The following AGO2 variants were observed in gnomAD, a reference collection of about 807,000 sequenced individuals.
The protein encoded by AGO2 is argonaute RISC catalytic component 2.
In AGO2, 5 loss-of-function variants were observed where a neutral mutation model predicts 102.3. The observed-to-expected ratio is 0.05, with a 90% CI of 0.03 to 0.10. The LOEUF (loss-of-function observed/expected upper bound fraction) is 0.10, where lower values mean the gene tolerates loss of function less well. Among genes scored for constraint, AGO2 ranks in the 10% least tolerant of loss-of-function variants. The pLI, the probability that AGO2 is intolerant of heterozygous loss-of-function variation, is 1.00. For synonymous variants in AGO2, 449 were observed against 473.1 expected (o/e 0.95, Z 0.66); for missense variants, 541 against 1,183.7 (o/e 0.46, Z 7.97).
At chr8:140,629,876 C>A (rs1462847163) in intron 1 of AGO2, among the ~76,000 whole-genome samples, 6 of 88,624 alleles carry the variant, frequency 6.8e-5, no homozygotes, top group Non-Finnish European at 1.3e-4. Flanking sequence ...GGGAGGGGAG[C>A]AGGGGGAAGA....
intron 2 of AGO2, among the ~76,000 whole-genome samples, chr8:140,577,904 G>A (rs1417345221): frequency 6.6e-6 from 1 of 152,246 alleles, no homozygotes; most frequent in Non-Finnish European, 1.5e-5. Flanking sequence ...GTCAGGTCCA[G>A]CTCATCCTGC....
intron 1 of AGO2, among the ~76,000 whole-genome samples, chr8:140,626,322 G>A (rs559516955): frequency 1.2e-4 from 19 of 152,210 alleles, no homozygotes; most frequent in Non-Finnish European, 2.4e-4. Context: ...TCAGAGATAA[G>A]CCTTTTTAAA....
chr8:140,581,866 T>G (rs1189446830), intron 2 of AGO2, among the ~76,000 whole-genome samples: 1 of 152,204 alleles, frequency 6.6e-6, no homozygotes, highest in South Asian at 2.1e-4. Context: ...TCCCCAGACA[T>G]TCTCTCTCTT....
chr8:140,574,132 AC>A lies in AGO2; in HGVS notation c.216-1201del, dbSNP rs1251677466. 5.8e-5 allele frequency among the ~76,000 whole-genome samples: 4 copies of A among 69,410 alleles called. No individual in the cohort carries two copies. The South Asian group carries it at 1.6e-3, about 28-fold the overall frequency. The allele number at this position is 69,410 out of a possible 152,430, so 45.5% of individuals were successfully genotyped here. ...CAGAGATCCACGACCCCCACCCTCC[AC>A]CCCCCAACCCCCACTTCCCCACCGT... On this transcript the variant is annotated intron_variant, in intron 2 of 18. Coordinates refer to ENST00000220592, the MANE Select transcript of AGO2 (RefSeq NM_012154.5).
At chr8:140,565,469 A>C (rs150100822) in intron 3 of AGO2, among the ~76,000 whole-genome samples, 1,709 of 148,466 alleles carry the variant, frequency 0.012, 28 homozygotes, top group African/African-American at 0.036. Flanking sequence ...AAACCAAAAA[A>C]CAAAAAACAA....
At chr8:140,622,276 TG>T (rs1563655131) in intron 1 of AGO2, among the ~76,000 whole-genome samples, 14 of 89,614 alleles carry the variant, frequency 1.6e-4, no homozygotes, top group Admixed American at 3.3e-4. Context: ...GGTCTCCTCT[TG>T]GGGGAATAAT....
intron 3 of AGO2, among the ~76,000 whole-genome samples, chr8:140,566,347 G>C (rs1482794405): frequency 6.6e-6 from 1 of 152,222 alleles, no homozygotes; most frequent in Non-Finnish European, 1.5e-5. Context: ...ACATGGAACT[G>C]TATGTCCAAT....
intron 6 of AGO2, 95 bp downstream of exon 6, chr8:140,559,300 G>T: frequency 6.7e-7 from 1 of 1,492,052 alleles, no homozygotes. Context: ...CTCCCCAAAT[G>T]CGCACAAGAA....
At chr8:140,587,814 G>A (rs1375923498) in intron 1 of AGO2, among the ~76,000 whole-genome samples, 1 of 152,204 alleles carries the variant, frequency 6.6e-6, no homozygotes, top group African/African-American at 2.4e-5. Context: ...CTCTCCATGT[G>A]CTCTCTGTTA....
At chr8:140,547,807 G>A (rs918956790) in intron 12 of AGO2, among the ~76,000 whole-genome samples, 180 bp from the exon 13 acceptor site, 3 of 152,264 alleles carry the variant, frequency 2.0e-5, no homozygotes, top group Admixed American at 2.0e-4. Flanking sequence ...CCCTGGTCCC[G>A]AGGGGGACGC....
rs1008375973 is a variant in AGO2 at position 140,589,912 on chromosome 8, G to A, written c.23-4601C>T. On this transcript the variant is annotated intron_variant, in intron 1 of 18. Coordinates refer to ENST00000220592, the MANE Select transcript of AGO2 (RefSeq NM_012154.5). This position sits in a 1 kb window ranked among gnomAD's most constrained non-coding sequence, Gnocchi z 4.2. ...AGGACACGAGGGTGACAACTCACCT[G>A]TTGTCTACACAAGCAAGCCTCCCTT... Among the ~76,000 whole-genome samples the A allele has an allele frequency of 2.6e-5, 4 of 152,262 alleles. No homozygotes were observed. Among genetic ancestry groups the A allele is most frequent in the Non-Finnish European group, 5.9e-5 (4 of 68,052 alleles).
At chr8:140,545,931 C>T (rs1476446483) in intron 13 of AGO2, among the ~76,000 whole-genome samples, 2 of 152,190 alleles carry the variant, frequency 1.3e-5, no homozygotes, top group African/African-American at 2.4e-5. Flanking sequence ...CCAGGCAGCA[C>T]GTGGGAGGGC....
intron 1 of AGO2, among the ~76,000 whole-genome samples, chr8:140,625,116 T>C (rs896755086): frequency 6.6e-6 from 1 of 152,188 alleles, no homozygotes; most frequent in Non-Finnish European, 1.5e-5. Flanking sequence ...CAGTCCCTGC[T>C]GCACGTCCCT....
chr8:140,631,606 G>A (rs1588521824), intron 1 of AGO2, among the ~76,000 whole-genome samples: 2 of 152,158 alleles, frequency 1.3e-5, no homozygotes, highest in South Asian at 4.2e-4. Flanking sequence ...GAGAGAGGGT[G>A]GGCTAGCTTT....
At chr8:140,608,230 C>A (rs1252917581) in intron 1 of AGO2, among the ~76,000 whole-genome samples, 2 of 152,192 alleles carry the variant, frequency 1.3e-5, no homozygotes, top group Non-Finnish European at 2.9e-5. Flanking sequence ...ACACTTGGCA[C>A]TTTTTACGCT....
At position 140,603,155 on chromosome 8, in the gene AGO2, C is replaced by G. The variant is rs567562024; in HGVS notation, c.23-17844G>C. Among the ~76,000 whole-genome samples the G allele has an allele frequency of 3.0e-3, 458 of 152,322 alleles. 1 individual carries two copies. Among genetic ancestry groups the G allele is most frequent in the Non-Finnish European group, 4.3e-3 (290 of 68,020 alleles). ...TGGTGCGGGTTGACTCAGGCCCCCA[C>G]GGCGGCGTGGCGGAGATTAAAGATG... On this transcript the variant is annotated intron_variant, in intron 1 of 18. Transcript: ENST00000220592.
rs1254375708 is a variant in AGO2, at chr8:140,525,229, GA to G, written c.*6814del. 2 of 152,258 alleles carry G rather than the reference GA, an allele frequency of 1.3e-5. No homozygotes were observed. Among genetic ancestry groups the G allele is most frequent in the Admixed American group, 1.3e-4 (2 of 15,292 alleles). 9.4% of individuals were successfully genotyped at this position (152,258 alleles called of 1,614,324 possible). A position where few individuals can be genotyped will look rare whatever the true frequency, so the allele number is the denominator to read the frequency against. ...ATTCTCACAAACGCGAAGATGGTGG[GA>G]GGGCCCAGCGCAGCATTCCGGAGAT... On this transcript the variant is annotated 3_prime_UTR_variant, in exon 19 of 19. Transcript: ENST00000220592.
chr8:140,629,363 G>A (rs917172955), intron 1 of AGO2, among the ~76,000 whole-genome samples: 4 of 151,100 alleles, frequency 2.6e-5, no homozygotes, highest in African/African-American at 7.3e-5. Context: ...GCCCGTGCCC[G>A]GGGCCAGGTG....
At chr8:140,622,170 T>A (rs1256505214) in intron 1 of AGO2, among the ~76,000 whole-genome samples, 2 of 152,178 alleles carry the variant, frequency 1.3e-5, no homozygotes, top group African/African-American at 2.4e-5. Context: ...CTATAGAACA[T>A]ACTCGGAACA....
Sources: allele counts gnomAD v4.1 joint callset (sites outside exome capture counted in the v4.1 genomes callset), GRCh38; gene constraint gnomAD v4.1.1; non-coding constraint Gnocchi (gnomAD v3.1); transcripts MANE v1.5; gene names NCBI Gene and HGNC (gene_info 2026-07-23, HGNC 2026-07-21).